Variants in PSTPIP2 observed in about 807,000 individuals in gnomAD.
PSTPIP2 encodes proline-serine-threonine phosphatase interacting protein 2, also known as proline-serine-threonine phosphatase-interacting protein 2.
In PSTPIP2, 33 loss-of-function variants were observed where a neutral mutation model predicts 63.3. That is an observed-to-expected ratio of 0.52 (90% confidence interval 0.40 to 0.70). The LOEUF (loss-of-function observed/expected upper bound fraction) is 0.70. Ranked by LOEUF, PSTPIP2 falls within the 30% of genes least tolerant of loss-of-function variation. PSTPIP2 has a pLI of 0.00. For missense variants in PSTPIP2, 312 were observed against 400.7 expected, an observed-to-expected ratio of 0.78 and a Z score of 1.89; for synonymous variants, 125 against 132.7, an observed-to-expected ratio of 0.94 and a Z score of 0.40.
intron 6 of PSTPIP2, among the ~76,000 whole-genome samples, chr18:46,003,727 T>C (rs1003882021): frequency 1.3e-5 from 2 of 151,268 alleles, no homozygotes; most frequent in African/African-American, 2.4e-5. Flanking sequence ...CACTAGCCAG[T>C]GTGCCTTCTT....
At chr18:45,997,152 C>T (rs575265283) in intron 9 of PSTPIP2, among the ~76,000 whole-genome samples, 2 of 152,200 alleles carry the variant, frequency 1.3e-5, no homozygotes, top group African/African-American at 4.8e-5. Flanking sequence ...TATTCCAGTT[C>T]CTTCCATTCT....
chr18:46,040,053 G>T lies in PSTPIP2; in HGVS notation c.34-6C>A. 5 of 1,590,730 alleles carry T rather than the reference G, an allele frequency of 3.1e-6. No homozygotes were observed. Among genetic ancestry groups the T allele is most frequent in the Non-Finnish European group, 4.3e-6 (5 of 1,166,470 alleles). ...GTGCTGAGGATGTCTGCACTCTGGG[G>T]GAAAGACAACATGGCATCAGACCAG... On this transcript the variant is annotated splice_polypyrimidine_tract_variant and splice_region_variant and intron_variant, in intron 1 of 14. Coordinates refer to ENST00000409746, the MANE Select transcript of PSTPIP2 (RefSeq NM_024430.4).
intron 6 of PSTPIP2, among the ~76,000 whole-genome samples, chr18:46,002,965 G>A (rs901603790): frequency 6.6e-6 from 1 of 152,136 alleles, no homozygotes; most frequent in Non-Finnish European, 1.5e-5. Context: ...GATTGATTTG[G>A]GGGAATTTTT....
At chr18:46,037,481 T>C (rs1221781827) in intron 2 of PSTPIP2, among the ~76,000 whole-genome samples, 1 of 152,134 alleles carries the variant, frequency 6.6e-6, no homozygotes, top group Non-Finnish European at 1.5e-5. Flanking sequence ...GGTCAAATAA[T>C]GTTTAAGACT....
intron 4 of PSTPIP2, among the ~76,000 whole-genome samples, chr18:46,012,649 T>C (rs531452205): frequency 6.6e-6 from 1 of 152,256 alleles, no homozygotes; most frequent in South Asian, 2.1e-4. Flanking sequence ...GGTGGGCACC[T>C]GTAGTCCCAG....
chr18:45,993,613 T>G lies in PSTPIP2; in HGVS notation c.733A>C (p.Ser245Arg). 6.2e-7 allele frequency: 1 copy of G among 1,613,522 alleles called. No individual in the cohort carries two copies. The highest frequency in any genetic ancestry group is 8.5e-7 in the Non-Finnish European group (1 of 1,179,432). ...GGATGCCTCTGACTTACTTCATCAC[T>G]GGTGACACATTGTTGTGACAGCTGA... ...VNQLSQQCVT[S>R]DEMYEQVRKS... is the part of the protein sequence containing the mutation. The change falls in exon 10 of 15, where the codon AGT becomes CGT. Residue 245 changes from serine (S) to arginine (R), a missense_variant. Transcript: ENST00000409746.
chr18:46,039,546 C>T (rs989824938), intron 2 of PSTPIP2, among the ~76,000 whole-genome samples: 4 of 152,134 alleles, frequency 2.6e-5, no homozygotes, highest in Non-Finnish European at 5.9e-5. Context: ...GAAGCCACCC[C>T]GTCCTCTATT....
intron 6 of PSTPIP2, among the ~76,000 whole-genome samples, chr18:46,000,383 T>C (rs1568211939): frequency 6.6e-6 from 1 of 152,222 alleles, no homozygotes; most frequent in Non-Finnish European, 1.5e-5. Flanking sequence ...TATTTATTTA[T>C]TGAGACAGAG....
At chr18:46,030,133 A>T (rs1907737617) in intron 2 of PSTPIP2, among the ~76,000 whole-genome samples, 1 of 152,166 alleles carries the variant, frequency 6.6e-6, no homozygotes, top group East Asian at 1.9e-4. Flanking sequence ...AAAAGAAAGA[A>T]AAGAAAAAGA....
In PSTPIP2 at chr18:45,985,000, C is replaced by G. The variant is rs1367869839; in HGVS notation, c.*459G>C. The G allele has an allele frequency of 1.2e-5, 2 of 166,266 alleles. No homozygotes were observed. The highest frequency in any genetic ancestry group is 2.6e-5 in the Non-Finnish European group (2 of 77,220). The allele number at this position is 166,266 out of a possible 1,614,324, so 10.3% of individuals were successfully genotyped here. ...TATGATCAGGCGGCTTCTAAGTCTT[C>G]CAGCCAAAAAGGAAGGTAATTTTAA... On this transcript the variant is annotated 3_prime_UTR_variant, in exon 15 of 15. Transcript: ENST00000409746.
Position 46,019,522 on chromosome 18 carries a change from C to T in PSTPIP2, c.213-3585G>A, listed in dbSNP as rs113604519. Among the ~76,000 whole-genome samples the T allele has an allele frequency of 9.2e-3, 1,400 of 152,168 alleles. 21 individuals carry two copies. The highest frequency in any genetic ancestry group is 0.032 in the Admixed American group (486 of 15,274). Reference sequence around the variant, plus strand: ...ATTATAACAGTGTCCATATTGAGGCCGGGTGCAGTGGCTCACCCCTGTAAT... The same window carrying T: ...ATTATAACAGTGTCCATATTGAGGCTGGGTGCAGTGGCTCACCCCTGTAAT... On this transcript the variant is annotated intron_variant, in intron 3 of 14. Coordinates refer to ENST00000409746, the MANE Select transcript of PSTPIP2 (RefSeq NM_024430.4).
At chr18:46,039,732 C>T (rs1328696793) in intron 2 of PSTPIP2, among the ~76,000 whole-genome samples, 2 of 152,222 alleles carry the variant, frequency 1.3e-5, no homozygotes, top group African/African-American at 2.4e-5. Context: ...TACTATAATT[C>T]GTTCGCAGTT....
intron 13 of PSTPIP2, 122 bp from the exon 14 acceptor site, chr18:45,988,881 A>G (rs528307821): frequency 2.6e-6 from 2 of 774,372 alleles, no homozygotes; most frequent in African/African-American, 3.5e-5. Context: ...TAAAGAGAAA[A>G]TAGATCTGCC....
intron 5 of PSTPIP2, among the ~76,000 whole-genome samples, chr18:46,006,013 T>A (rs1183548815): frequency 6.6e-6 from 1 of 152,120 alleles, no homozygotes; most frequent in African/African-American, 2.4e-5. Flanking sequence ...AAAAAAGAAT[T>A]TGTAAGACAA....
chr18:46,054,591 C>T (rs555723904), intron 1 of PSTPIP2, among the ~76,000 whole-genome samples: 15 of 151,856 alleles, frequency 9.9e-5, no homozygotes, highest in East Asian at 9.7e-4. Flanking sequence ...ATAGGGAGAA[C>T]GGATGGGAAA....
At chr18:46,033,227 C>T (rs1191663261) in intron 2 of PSTPIP2, among the ~76,000 whole-genome samples, 3 of 152,212 alleles carry the variant, frequency 2.0e-5, no homozygotes, top group Non-Finnish European at 2.9e-5. Flanking sequence ...CTCTCAGCTT[C>T]CAGTACATTC....
At chr18:46,045,711 T>C (rs1908361161) in intron 1 of PSTPIP2, among the ~76,000 whole-genome samples, 1 of 152,018 alleles carries the variant, frequency 6.6e-6, no homozygotes, top group African/African-American at 2.4e-5. Context: ...ACCAAGGGCC[T>C]AGAATAGACA....
rs866288907 is a variant in PSTPIP2 at position 45,993,678 on chromosome 18, C to T, written c.668G>A (p.Arg223Gln). The T allele has an allele frequency of 5.0e-6, 8 of 1,613,990 alleles. No homozygotes were observed. The highest frequency in any genetic ancestry group is 2.7e-5 in the African/African-American group (2 of 74,928). ...CEAFEAQECE[R>Q]INFFRNALWL... is the part of the protein sequence containing the mutation. Reference sequence around the variant, plus strand: ...CAATGCATTCCGGAAGAAGTTTATTCGTTCACATTCTTGAGCCTCAAATGC... The same window carrying T: ...CAATGCATTCCGGAAGAAGTTTATTTGTTCACATTCTTGAGCCTCAAATGC... Residue 223 changes from arginine (R) to glutamine (Q), a missense_variant, in exon 10 of 15, where the codon CGA becomes CAA. Arg to Gln is a conservative substitution (Grantham distance 43). Coordinates refer to ENST00000409746, the MANE Select transcript of PSTPIP2 (RefSeq NM_024430.4).
At chr18:45,997,084 T>C (rs954831865) in intron 9 of PSTPIP2, among the ~76,000 whole-genome samples, 5 of 152,240 alleles carry the variant, frequency 3.3e-5, no homozygotes, top group African/African-American at 1.2e-4. Flanking sequence ...GACTAAAATT[T>C]GAACTGTTGG....
Sources: gnomAD v4.1 joint callset for allele counts (sites outside exome capture counted in the v4.1 genomes callset) on GRCh38, gnomAD v4.1.1 for gene constraint, MANE v1.5 for transcripts, NCBI Gene and HGNC (gene_info 2026-07-23, HGNC 2026-07-21) for gene names.